TFRC: variants seen among roughly 807,000 people sequenced by gnomAD.
The protein encoded by TFRC is transferrin receptor protein 1.
TFRC carries 35 observed loss-of-function variants against 85.8 expected under a neutral mutation model. The ratio of observed to expected loss-of-function variants is 0.41; its 90% CI spans 0.31 to 0.54. The LOEUF (loss-of-function observed/expected upper bound fraction) is 0.54, where lower values mean the gene tolerates loss of function less well. TFRC is among the 20% of genes least tolerant of loss of function. The pLI, the probability that TFRC is intolerant of heterozygous loss-of-function variation, is 0.31. For missense variants in TFRC, 828 were observed against 921.5 expected, an observed-to-expected ratio of 0.90 and a Z score of 1.31; for synonymous variants, 362 against 328.6, an observed-to-expected ratio of 1.10 and a Z score of -1.10.
At chr3:196,078,275 C>T (rs887827293) in intron 1 of TFRC, among the ~76,000 whole-genome samples, 1 of 151,892 alleles carries the variant, frequency 6.6e-6, no homozygotes, top group Non-Finnish European at 1.5e-5. Flanking sequence ...TATACGAGTA[C>T]ACTTAGGGCA....
intron 9 of TFRC, among the ~76,000 whole-genome samples, chr3:196,065,994 AAAAACAAAAC>A (rs1193488369): frequency 1.2e-3 from 182 of 150,346 alleles, no homozygotes; most frequent in South Asian, 7.5e-3. Context: ...TGTCTCAAAA[AAAAACAAAAC>A]AAAACAAAAC....
At chr3:196,060,970 T>C (rs949418137) in intron 13 of TFRC, among the ~76,000 whole-genome samples, 3 of 152,134 alleles carry the variant, frequency 2.0e-5, no homozygotes, top group African/African-American at 7.2e-5. Flanking sequence ...GAGCTATACA[T>C]AGTATGCTTG....
intron 9 of TFRC, 134 bp from the exon 10 acceptor site, chr3:196,065,734 G>A: frequency 2.2e-6 from 2 of 907,222 alleles, no homozygotes; most frequent in Non-Finnish European, 3.1e-6. Context: ...GCTCACCCCT[G>A]TAATCCCAGC....
intron 9 of TFRC, among the ~76,000 whole-genome samples, chr3:196,066,334 T>G (rs1002355818): frequency 2.0e-5 from 3 of 152,180 alleles, no homozygotes; most frequent in African/African-American, 7.2e-5. Flanking sequence ...GGCTCACGCC[T>G]GTAATCCCAG....
At chr3:196,069,750 T>G in intron 6 of TFRC, 182 bp from the exon 7 acceptor site, 1 of 492,238 alleles carries the variant, frequency 2.0e-6, no homozygotes, top group South Asian at 3.4e-5. Flanking sequence ...TCAGAGCTAT[T>G]GGAATAAAAT....
intron 14 of TFRC, among the ~76,000 whole-genome samples, chr3:196,059,863 C>CAA (rs1717128011): frequency 6.6e-6 from 1 of 150,560 alleles, no homozygotes; most frequent in East Asian, 2.0e-4. Flanking sequence ...CCGGCCTTCT[C>CAA]AAAGTATAGT....
At chr3:196,081,047 T>C (rs41300417) in intron 1 of TFRC, among the ~76,000 whole-genome samples, 1 of 152,222 alleles carries the variant, frequency 6.6e-6, no homozygotes, top group East Asian at 1.9e-4. Flanking sequence ...AGGGAAAGCG[T>C]TATCCGAAAA....
Position 196,050,864 on chromosome 3 carries a change from G to T in TFRC, c.*1078C>A. ...CTTTATTCAATTACATTTGGCTGACGGCTGTTTTCTAAAACCCTTAAGTGT... is the reference window on the plus strand; with the variant it reads ...CTTTATTCAATTACATTTGGCTGACTGCTGTTTTCTAAAACCCTTAAGTGT... On this transcript the variant is annotated 3_prime_UTR_variant, in exon 19 of 19. Coordinates refer to ENST00000360110, the MANE Select transcript of TFRC (RefSeq NM_001128148.3). 1 of 202,634 alleles carries T rather than the reference G, an allele frequency of 4.9e-6. No homozygotes were observed. The highest frequency in any genetic ancestry group is 1.0e-5 in the Non-Finnish European group (1 of 98,514). The allele number at this position is 202,634 out of a possible 1,614,324, so 12.6% of individuals were successfully genotyped here. A position where few individuals can be genotyped will look rare whatever the true frequency, so the allele number is the denominator to read the frequency against.
intron 4 of TFRC, 109 bp downstream of exon 4, chr3:196,073,821 G>T: frequency 8.6e-7 from 1 of 1,167,762 alleles, no homozygotes; most frequent in African/African-American, 1.5e-5. Flanking sequence ...GACAAGTCTT[G>T]TCTTCTCTAA....
chr3:196,068,388 G>A (rs113920168), intron 7 of TFRC, among the ~76,000 whole-genome samples: 17 of 152,062 alleles, frequency 1.1e-4, no homozygotes, highest in African/African-American at 4.1e-4. Context: ...TGAGGCAGGG[G>A]GATCACAAGC....
At chr3:196,065,890 T>G (rs1383631627) in intron 9 of TFRC, among the ~76,000 whole-genome samples, 1 of 150,992 alleles carries the variant, frequency 6.6e-6, no homozygotes, top group African/African-American at 2.4e-5. Flanking sequence ...CTAAGGAGGA[T>G]GAGGAGGAGA....
At chr3:196,079,282 C>G (rs1718968353) in intron 1 of TFRC, among the ~76,000 whole-genome samples, 1 of 152,170 alleles carries the variant, frequency 6.6e-6, no homozygotes, top group Non-Finnish European at 1.5e-5. Context: ...ACCATCATTC[C>G]TCAAGTTTTC....
rs2108644167 is a variant in TFRC at position 196,062,951 on chromosome 3, A to G, written c.1319-12T>C. On this transcript the variant is annotated splice_polypyrimidine_tract_variant and intron_variant, in intron 11 of 18. Transcript: ENST00000360110. ...GGGCTGAAACCCATCTGAAAGAGAAAAAAGTTAGCTTTACCTGAGGAAAGG... is the reference window on the plus strand; with the variant it reads ...GGGCTGAAACCCATCTGAAAGAGAAGAAAGTTAGCTTTACCTGAGGAAAGG... 2 of 1,613,274 alleles carry G rather than the reference A, an allele frequency of 1.2e-6. No individual in the cohort carries two copies. Among genetic ancestry groups the G allele is most frequent in the Non-Finnish European group, 1.7e-6 (2 of 1,179,376 alleles).
intron 16 of TFRC, among the ~76,000 whole-genome samples, chr3:196,055,972 A>G (rs1414090419): frequency 5.1e-5 from 7 of 136,930 alleles, no homozygotes; most frequent in Non-Finnish European, 9.4e-5. Flanking sequence ...ATGCAATCAC[A>G]GCTCCCCGCA....
chr3:196,071,333 G>C, intron 6 of TFRC, 63 bp downstream of exon 6: 1 of 1,475,476 alleles, frequency 6.8e-7, no homozygotes, highest in Non-Finnish European at 9.4e-7. Flanking sequence ...CCTAAGAACA[G>C]AAAAGATGAG....
chr3:196,057,757 G>A (rs1716923856), intron 16 of TFRC, among the ~76,000 whole-genome samples: 1 of 148,462 alleles, frequency 6.7e-6, no homozygotes, highest in Admixed American at 6.7e-5. Flanking sequence ...CCCCAGCCTG[G>A]GTGACAGAGC....
At position 196,068,863 on chromosome 3, in the gene TFRC, G is replaced by A. The variant is rs1309482087; in HGVS notation, c.801+592C>T. On this transcript the variant is annotated intron_variant, in intron 7 of 18. Coordinates refer to ENST00000360110, the MANE Select transcript of TFRC (RefSeq NM_001128148.3). The stretch of plus-strand genomic sequence containing the variant: ...GGAGCATCACTTGAACCTGGGAGGC[G>A]GAGGTTGCAGTGAGCTGAGATCACG... 1.7e-4 allele frequency among the ~76,000 whole-genome samples: 25 copies of A among 149,180 alleles called. No homozygotes were observed. The South Asian group carries it at 3.2e-3, about 19-fold the overall frequency.
intron 3 of TFRC, among the ~76,000 whole-genome samples, chr3:196,074,716 T>C (rs906135884): frequency 2.0e-5 from 3 of 151,810 alleles, no homozygotes; most frequent in Non-Finnish European, 2.9e-5. Context: ...CCGTCTCTAC[T>C]AAAAATACAA....
intron 8 of TFRC, 45 bp from the exon 9 acceptor site, chr3:196,067,702 A>G: frequency 6.3e-7 from 1 of 1,597,082 alleles, no homozygotes; most frequent in Non-Finnish European, 8.5e-7. Context: ...TACTTCCTCA[A>G]AACTTCTCTG....
Sources: allele counts gnomAD v4.1 joint callset (sites outside exome capture counted in the v4.1 genomes callset), GRCh38; gene constraint gnomAD v4.1.1; transcripts MANE v1.5; gene names NCBI Gene and HGNC (gene_info 2026-07-23, HGNC 2026-07-21).